The following CUX1 variants were observed in gnomAD, a reference collection of about 807,000 sequenced individuals.
CUX1 encodes protein CASP.
A neutral mutation model predicts 158.8 loss-of-function variants in CUX1; 31 were observed. The observed-to-expected ratio is 0.20, with a 90% CI of 0.15 to 0.26. CUX1 has a LOEUF of 0.26. CUX1 is among the 10% of genes least tolerant of loss of function. CUX1 has a pLI of 1.00. For synonymous variants in CUX1, 879 were observed against 862.1 expected, an observed-to-expected ratio of 1.02 and a Z score of -0.34; for missense variants, 1,589 against 2,014.6, an observed-to-expected ratio of 0.79 and a Z score of 4.04.
chr7:102,046,295 C>T (rs187112113), intron 3 of CUX1, among the ~76,000 whole-genome samples: 6 of 152,204 alleles, frequency 3.9e-5, no homozygotes, highest in South Asian at 4.1e-4. Flanking sequence ...TGTAGGGATG[C>T]GATTGCAGCT....
In CUX1 at chr7:101,869,593, TAGA is replaced by T. The variant is rs1410810864; in HGVS notation, c.31-46519_31-46517del. Among the ~76,000 whole-genome samples, 1 of 151,982 alleles carries T rather than the reference TAGA, an allele frequency of 6.6e-6. No homozygotes were observed. Among genetic ancestry groups the T allele is most frequent in the Non-Finnish European group, 1.5e-5 (1 of 67,970 alleles). On this transcript the variant is annotated intron_variant, in intron 1 of 23. Transcript: ENST00000292535. This position sits in a 1 kb window ranked among gnomAD's most constrained non-coding sequence, Gnocchi z 4.5. ...GGGCGGGGGAGGGAAACCAGCACGTTAGAAGGTCAGCCAAGGTCAGGCGGCCAG... is the reference window on the plus strand; with the variant it reads ...GGGCGGGGGAGGGAAACCAGCACGTTAGGTCAGCCAAGGTCAGGCGGCCAG...
chr7:102,244,994 G>A (rs1800648705), intron 23 of CUX1, among the ~76,000 whole-genome samples: 1 of 152,180 alleles, frequency 6.6e-6, no homozygotes, highest in Admixed American at 6.5e-5. Flanking sequence ...CATGTGCCAG[G>A]CACTGAGCCA....
intron 2 of CUX1, among the ~76,000 whole-genome samples, chr7:101,977,058 G>T (rs919997328): frequency 1.0e-3 from 152 of 151,836 alleles, no homozygotes; most frequent in Non-Finnish European, 8.8e-5. Flanking sequence ...GATTACAGGT[G>T]TGTACCACCA....
intron 11 of CUX1, among the ~76,000 whole-genome samples, chr7:102,180,896 T>TTTTTATTTTATTTTATTTTATTGTA (rs547235221): frequency 7.0e-6 from 1 of 142,522 alleles, no homozygotes; most frequent in Non-Finnish European, 1.5e-5. Flanking sequence ...TTTTTTTAAA[T>TTTTTATTTTATTTTATTTTATTGTA]TTTTATTTTA....
chr7:101,885,278 AT>A (rs1459545922), intron 1 of CUX1, among the ~76,000 whole-genome samples: 6 of 152,130 alleles, frequency 3.9e-5, no homozygotes, highest in Non-Finnish European at 5.9e-5. Context: ...AAGTGCCCAG[AT>A]TCCCCCCTAC....
chr7:101,912,197 C>T (rs1368205610), intron 1 of CUX1, among the ~76,000 whole-genome samples: 1 of 151,734 alleles, frequency 6.6e-6, no homozygotes, highest in Admixed American at 6.6e-5. Context: ...TGGCCACCGC[C>T]ACCACCAACC....
At chr7:101,990,777 A>G (rs769783044) in intron 2 of CUX1, among the ~76,000 whole-genome samples, 3 of 152,202 alleles carry the variant, frequency 2.0e-5, no homozygotes, top group African/African-American at 7.2e-5. Context: ...TGTCAGTGCC[A>G]TGAGCCCAGG....
intron 8 of CUX1, among the ~76,000 whole-genome samples, chr7:102,141,686 A>T (rs1452382022): frequency 1.3e-5 from 2 of 152,056 alleles, no homozygotes. Flanking sequence ...GCAGTGGCAC[A>T]ATCTTGGCTC....
At chr7:102,204,830 T>G (rs918591425) in intron 19 of CUX1, among the ~76,000 whole-genome samples, 1 of 152,234 alleles carries the variant, frequency 6.6e-6, no homozygotes, top group Non-Finnish European at 1.5e-5. Context: ...AAAATGCTGT[T>G]TATACATAAA....
chr7:102,044,087 G>T (rs74549283), intron 3 of CUX1, among the ~76,000 whole-genome samples: 3 of 152,184 alleles, frequency 2.0e-5, no homozygotes, highest in African/African-American at 7.2e-5. Context: ...GGCCTCAGGT[G>T]ATCCTCCTGT....
chr7:102,159,847 T>C (rs1157513034), intron 9 of CUX1, among the ~76,000 whole-genome samples: 1 of 148,502 alleles, frequency 6.7e-6, no homozygotes. Context: ...AAACTCCATC[T>C]CAAAAAAATA....
intron 1 of CUX1, among the ~76,000 whole-genome samples, chr7:101,911,365 G>T (rs774013760): frequency 1.3e-5 from 2 of 152,220 alleles, no homozygotes; most frequent in Non-Finnish European, 2.9e-5. Flanking sequence ...TCCAGTGGAT[G>T]ACCTGAACCT....
chr7:102,223,059 C>T (rs534238622), intron 20 of CUX1, among the ~76,000 whole-genome samples: 8 of 151,438 alleles, frequency 5.3e-5, no homozygotes, highest in African/African-American at 1.9e-4. Flanking sequence ...CCACCTCAGC[C>T]TCCCAAAGTG....
Position 101,869,242 on chromosome 7 carries a change from C to T in CUX1, c.31-46873C>T, listed in dbSNP as rs1469974144. On this transcript the variant is annotated intron_variant, in intron 1 of 23. Coordinates refer to ENST00000292535, the MANE Select transcript of CUX1 (RefSeq NM_181552.4). This position sits in a 1 kb window ranked among gnomAD's most constrained non-coding sequence, Gnocchi z 4.5. ...TGGCAGAGGGGCTGTGTCAGAGCCC[C>T]GGCTGGCGAGAGGAGCATCACTGTG... Among the ~76,000 whole-genome samples, 5 of 151,662 alleles carry T rather than the reference C, an allele frequency of 3.3e-5. No individual in the cohort carries two copies. The highest frequency in any genetic ancestry group is 2.9e-5 in the Non-Finnish European group (2 of 68,006).
At chr7:102,098,938 C>T (rs1411002926) in intron 5 of CUX1, among the ~76,000 whole-genome samples, 3 of 150,710 alleles carry the variant, frequency 2.0e-5, no homozygotes, top group Admixed American at 6.7e-5. Context: ...GGATTACAGG[C>T]GTGAGCCACC....
chr7:102,207,525 A>G (rs1349466352), intron 20 of CUX1, among the ~76,000 whole-genome samples: 5 of 150,668 alleles, frequency 3.3e-5, no homozygotes, highest in South Asian at 2.1e-4. Flanking sequence ...ATCTCAGCTC[A>G]CTGTAACCTC....
chr7:101,957,259 T>C (rs911539385), intron 2 of CUX1, among the ~76,000 whole-genome samples: 1 of 152,140 alleles, frequency 6.6e-6, no homozygotes, highest in African/African-American at 2.4e-5. Context: ...TACAGCACAA[T>C]AGATGCAAAT....
At chr7:102,146,589 GT>G (rs1286421873) in intron 8 of CUX1, among the ~76,000 whole-genome samples, 1 of 152,032 alleles carries the variant, frequency 6.6e-6, no homozygotes, top group African/African-American at 2.4e-5. Flanking sequence ...TCGTTGGTTT[GT>G]TTTTTCTTTC....
intron 3 of CUX1, 44 bp downstream of exon 3, chr7:102,028,189 G>C (rs1446127641): frequency 6.3e-7 from 1 of 1,597,606 alleles, no homozygotes; most frequent in African/African-American, 1.3e-5. Context: ...ACCCTTCGTG[G>C]CTAATTGGTC....
Sources: gnomAD v4.1 joint callset for allele counts (sites outside exome capture counted in the v4.1 genomes callset) on GRCh38, gnomAD v4.1.1 for gene constraint, Gnocchi (gnomAD v3.1) non-coding constraint, MANE v1.5 for transcripts, NCBI Gene and HGNC (gene_info 2026-07-23, HGNC 2026-07-21) for gene names.